The following LRP1B variants were observed in gnomAD, a reference collection of about 807,000 sequenced individuals.
LRP1B encodes LDL receptor related protein 1B, also known as low-density lipoprotein receptor-related protein 1B.
A neutral mutation model predicts 556.6 loss-of-function variants in LRP1B; 217 were observed. The ratio of observed to expected loss-of-function variants is 0.39; its 90% CI spans 0.35 to 0.44. The LOEUF (loss-of-function observed/expected upper bound fraction) is 0.44, where lower values mean the gene tolerates loss of function less well. LRP1B is among the 20% of genes least tolerant of loss of function. The pLI, the probability that LRP1B is intolerant of heterozygous loss-of-function variation, is 1.00. For missense variants in LRP1B, 5,053 were observed against 5,620.8 expected (o/e 0.90, Z 3.23); for synonymous variants, 2,047 against 1,865.8 (o/e 1.10, Z -2.50).
chr2:140,814,410 C>A lies in LRP1B; in HGVS notation c.5210-604G>T, dbSNP rs148148665. ...CATTTTACAGATACAAAAAATAGTA[C>A]CTAGAGTAGATAAGAAATCTGTGTT... On this transcript the variant is annotated intron_variant, in intron 31 of 90. Transcript: ENST00000389484. Among the ~76,000 whole-genome samples, 349 of 152,146 alleles carry A rather than the reference C, an allele frequency of 2.3e-3. 2 individuals carry two copies. The highest frequency in any genetic ancestry group is 6.8e-3 in the Middle Eastern group (2 of 294).
intron 3 of LRP1B, among the ~76,000 whole-genome samples, chr2:141,291,820 C>T (rs1468422617): frequency 7.6e-6 from 1 of 131,664 alleles, no homozygotes; most frequent in Admixed American, 8.7e-5. Flanking sequence ...CGCGCCACTG[C>T]ACTCCAGCCT....
At chr2:140,644,526 G>A (rs1201258616) in intron 41 of LRP1B, among the ~76,000 whole-genome samples, 1 of 150,858 alleles carries the variant, frequency 6.6e-6, no homozygotes, top group Admixed American at 6.6e-5. Flanking sequence ...AGTCTCCCAA[G>A]TTGCTAGACT....
intron 2 of LRP1B, among the ~76,000 whole-genome samples, chr2:141,573,694 G>T (rs76567220): frequency 0.015 from 2,095 of 142,994 alleles, 48 homozygotes; most frequent in African/African-American, 0.051. Flanking sequence ...CAAAAAAATA[G>T]ACCACTAGCT....
chr2:140,368,955 A>G (rs1201901007), intron 71 of LRP1B, among the ~76,000 whole-genome samples: 1 of 151,912 alleles, frequency 6.6e-6, no homozygotes. Flanking sequence ...AAACCAAGTT[A>G]GAGGTGTGAA....
chr2:141,901,085 C>T (rs776539232), intron 1 of LRP1B, among the ~76,000 whole-genome samples: 7 of 152,006 alleles, frequency 4.6e-5, no homozygotes, highest in Non-Finnish European at 1.0e-4. Context: ...ATTATCTTGG[C>T]TATATTCATT....
rs115341306 is a variant in LRP1B, at chr2:141,605,123, G to T, written c.206-124590C>A. ...TCCTGCGTCACTATGGAGCACATTC[G>T]ATTTGCTATATATATTTGTGCAAAT... On this transcript the variant is annotated intron_variant, in intron 2 of 90. Transcript: ENST00000389484. 2.8e-3 allele frequency among the ~76,000 whole-genome samples: 427 copies of T among 152,082 alleles called. 4 individuals are homozygous for T. Among genetic ancestry groups the T allele is most frequent in the African/African-American group, 9.9e-3 (410 of 41,502 alleles).
At chr2:140,598,953 C>G in intron 42 of LRP1B, 118 bp from the exon 43 acceptor site, 2 of 659,902 alleles carry the variant, frequency 3.0e-6, no homozygotes, top group Non-Finnish European at 5.2e-6. Flanking sequence ...ACCTCATATT[C>G]TATCTTTAAC....
intron 23 of LRP1B, among the ~76,000 whole-genome samples, chr2:140,891,277 CT>C (rs1693790500): frequency 6.6e-6 from 1 of 152,104 alleles, no homozygotes; most frequent in Non-Finnish European, 1.5e-5. Flanking sequence ...TTTAGTCCCA[CT>C]ACAGATTTGC....
intron 66 of LRP1B, among the ~76,000 whole-genome samples, chr2:140,408,468 A>G (rs778367176): frequency 1.4e-4 from 21 of 151,998 alleles, no homozygotes; most frequent in Non-Finnish European, 2.8e-4. Context: ...TTATATGTTA[A>G]TAGCTAAGTG....
intron 1 of LRP1B, among the ~76,000 whole-genome samples, chr2:141,852,847 G>A (rs1376801727): frequency 6.6e-6 from 1 of 150,734 alleles, no homozygotes; most frequent in Non-Finnish European, 1.5e-5. Context: ...AGTACATATT[G>A]TTTTTAAAAA....
In LRP1B at chr2:140,232,980, G is replaced by C. The variant is rs1187306880; in HGVS notation, c.*206C>G. On this transcript the variant is annotated 3_prime_UTR_variant, in exon 91 of 91. Transcript: ENST00000389484. The stretch of plus-strand genomic sequence containing the variant: ...TTGTTGTAAATTGTACTGTAGTGCA[G>C]TTCTTTTTCATAAAAATACCATACA... 1 of 399,306 alleles carries C rather than the reference G, an allele frequency of 2.5e-6. No homozygotes were observed. The highest frequency in any genetic ancestry group is 2.1e-5 in the African/African-American group (1 of 48,066). 24.7% of individuals were successfully genotyped at this position (399,306 alleles called of 1,614,324 possible). A position where few individuals can be genotyped will look rare whatever the true frequency, so the allele number is the denominator to read the frequency against.
At chr2:140,766,248 G>T (rs1252544648) in intron 35 of LRP1B, among the ~76,000 whole-genome samples, 4 of 151,752 alleles carry the variant, frequency 2.6e-5, no homozygotes, top group Non-Finnish European at 4.4e-5. Context: ...AACAAAAAAG[G>T]TTTCTTTTAT....
chr2:141,213,247 A>G (rs430697), intron 6 of LRP1B, among the ~76,000 whole-genome samples: 151,515 of 152,114 alleles, frequency 1, 75,463 homozygotes, highest in Middle Eastern at 1. Context: ...CCCCATGCCC[A>G]GCCAAAACAC....
Position 140,787,828 on chromosome 2 carries a change from G to C in LRP1B, c.5360-11590C>G, listed in dbSNP as rs147087487. Reference sequence around the variant, plus strand: ...GGCCTCAAGTGATCTTCCTGCCTTGGCCTCTCAAAAAGCTGCGATTACAGG... The same window carrying C: ...GGCCTCAAGTGATCTTCCTGCCTTGCCCTCTCAAAAAGCTGCGATTACAGG... On this transcript the variant is annotated intron_variant, in intron 32 of 90. Coordinates refer to ENST00000389484, the MANE Select transcript of LRP1B (RefSeq NM_018557.3). Among the ~76,000 whole-genome samples, 335 of 151,926 alleles carry C rather than the reference G, an allele frequency of 2.2e-3. 4 individuals carry two copies. The highest frequency in any genetic ancestry group is 5.4e-3 in the East Asian group (28 of 5,152).
rs576259579 is a variant in LRP1B at position 142,032,028 on chromosome 2, G to A, written c.82+98620C>T. On this transcript the variant is annotated intron_variant, in intron 1 of 90. Transcript: ENST00000389484. ...TATCCTTCCCTAGCCCCTTCTGAGG[G>A]AGCATGGCCCTGCCAACGCCTTGAT... Among the ~76,000 whole-genome samples the A allele has an allele frequency of 1.2e-4, 18 of 151,934 alleles. No individual in the cohort carries two copies. In the South Asian group the frequency reaches 1.2e-3, roughly 10 times the overall value.
intron 2 of LRP1B, among the ~76,000 whole-genome samples, chr2:141,516,908 G>A (rs1427185176): frequency 1.3e-5 from 2 of 148,230 alleles, no homozygotes; most frequent in Non-Finnish European, 3.0e-5. Flanking sequence ...CGTTGGCCAG[G>A]CTGGTCTCGA....
At chr2:140,961,786 A>C (rs1203105863) in intron 18 of LRP1B, among the ~76,000 whole-genome samples, 2 of 152,112 alleles carry the variant, frequency 1.3e-5, no homozygotes, top group African/African-American at 4.8e-5. Flanking sequence ...TAAAACTTTA[A>C]AACTTATAAC....
intron 1 of LRP1B, among the ~76,000 whole-genome samples, chr2:142,052,824 A>G (rs1704510928): frequency 6.6e-6 from 1 of 152,158 alleles, no homozygotes; most frequent in Admixed American, 6.6e-5. Context: ...CTATCAATAC[A>G]TTTGTTGATG....
At chr2:141,117,994 C>T (rs1700948989) in intron 7 of LRP1B, among the ~76,000 whole-genome samples, 1 of 151,882 alleles carries the variant, frequency 6.6e-6, no homozygotes, top group African/African-American at 2.4e-5. Flanking sequence ...AGTGCAGGAA[C>T]TAAACTGTCT....
Sources: gnomAD v4.1 joint callset for allele counts (sites outside exome capture counted in the v4.1 genomes callset) on GRCh38, gnomAD v4.1.1 for gene constraint, MANE v1.5 for transcripts, NCBI Gene and HGNC (gene_info 2026-07-23, HGNC 2026-07-21) for gene names.